The following LDB2 variants were observed in gnomAD, a reference collection of about 807,000 sequenced individuals.
The protein encoded by LDB2 is LIM domain-binding protein 2.
LDB2 carries 12 observed loss-of-function variants against 44.3 expected under a neutral mutation model. The observed-to-expected ratio is 0.27, with a 90% CI of 0.17 to 0.44. The LOEUF is 0.44. LDB2 is among the 20% of genes least tolerant of loss of function. LDB2 has a pLI of 1.00. For synonymous variants in LDB2, 164 were observed against 174.8 expected (o/e 0.94, Z 0.49); for missense variants, 344 against 473.5 (o/e 0.73, Z 2.54).
chr4:16,829,012 G>A (rs895541232), intron 1 of LDB2, among the ~76,000 whole-genome samples: 2 of 152,174 alleles, frequency 1.3e-5, no homozygotes, highest in Non-Finnish European at 2.9e-5. Context: ...TTGGGGTTCT[G>A]CTAAGAACAC....
chr4:16,752,790 G>A (rs1357173625), intron 2 of LDB2, among the ~76,000 whole-genome samples: 4 of 152,042 alleles, frequency 2.6e-5, no homozygotes, highest in African/African-American at 9.7e-5. Context: ...CATCTCACAT[G>A]CCTAACATCT....
At chr4:16,791,412 G>A (rs898272593) in intron 1 of LDB2, among the ~76,000 whole-genome samples, 9 of 151,892 alleles carry the variant, frequency 5.9e-5, no homozygotes, top group Admixed American at 2.0e-4. Context: ...AATATTAGCT[G>A]GGCATGGTCG....
At chr4:16,609,258 C>T (rs1578181097) in intron 2 of LDB2, among the ~76,000 whole-genome samples, 1 of 146,842 alleles carries the variant, frequency 6.8e-6, no homozygotes, top group Non-Finnish European at 1.5e-5. Context: ...CCCACGCCAC[C>T]GGGGTCTAGT....
intron 2 of LDB2, among the ~76,000 whole-genome samples, chr4:16,755,980 G>A (rs1473022280): frequency 3.9e-5 from 6 of 152,146 alleles, no homozygotes; most frequent in Admixed American, 6.5e-5. Flanking sequence ...TATCTCACCT[G>A]GGCGGACACA....
chr4:16,742,496 A>C (rs1415781542), intron 2 of LDB2, among the ~76,000 whole-genome samples: 1 of 152,186 alleles, frequency 6.6e-6, no homozygotes, highest in African/African-American at 2.4e-5. Flanking sequence ...ACAAGGGAGA[A>C]AGGCATTTTA....
At chr4:16,669,458 T>C (rs549615111) in intron 2 of LDB2, among the ~76,000 whole-genome samples, 118 of 152,296 alleles carry the variant, frequency 7.7e-4, no homozygotes, top group African/African-American at 2.6e-3. Context: ...TTAATCAAGT[T>C]CTTCCAGCCT....
At chr4:16,623,087 A>G (rs1038850212) in intron 2 of LDB2, among the ~76,000 whole-genome samples, 6 of 152,202 alleles carry the variant, frequency 3.9e-5, no homozygotes, top group African/African-American at 1.4e-4. Context: ...TTCCTGTCTC[A>G]GTATCCAGCC....
rs140725439 is a variant in LDB2 at position 16,686,735 on chromosome 4, G to C, written c.235+72423C>G. On this transcript the variant is annotated intron_variant, in intron 2 of 7. Coordinates refer to ENST00000304523, the MANE Select transcript of LDB2 (RefSeq NM_001290.5). ...GAATTCCACCTGGTTCTGAATGAAT[G>C]AATGAATCAATCAATCAATGAGGAA... is the stretch of plus-strand genomic sequence containing the variant. Among the ~76,000 whole-genome samples the C allele has an allele frequency of 5.9e-5, 9 of 152,266 alleles. No individual in the cohort carries two copies. The East Asian group carries it at 1.7e-3, about 29-fold the overall frequency.
intron 5 of LDB2, among the ~76,000 whole-genome samples, chr4:16,529,064 C>T (rs1729223142): frequency 6.6e-6 from 1 of 151,786 alleles, no homozygotes; most frequent in African/African-American, 2.4e-5. Flanking sequence ...CTAATCATTA[C>T]CAGTACTTGG....
rs535103762 is a variant in LDB2 at position 16,581,352 on chromosome 4, A to G, written c.615+4570T>C. 8 of 923,132 alleles carry G rather than the reference A, an allele frequency of 8.7e-6. No homozygotes were observed. In the East Asian group the frequency reaches 7.0e-4, roughly 81 times the overall value. 57.2% of individuals were successfully genotyped at this position (923,132 alleles called of 1,614,324 possible). A position where few individuals can be genotyped will look rare whatever the true frequency, so the allele number is the denominator to read the frequency against. ...CAGCTAGTAAGAAGATGATGTTCTCAGATACATACTGTTTAACTTACTCCC... is the reference window on the plus strand; with the variant it reads ...CAGCTAGTAAGAAGATGATGTTCTCGGATACATACTGTTTAACTTACTCCC... On this transcript the variant is annotated intron_variant, in intron 5 of 7. Coordinates refer to ENST00000304523, the MANE Select transcript of LDB2 (RefSeq NM_001290.5).
intron 1 of LDB2, among the ~76,000 whole-genome samples, chr4:16,834,865 G>T (rs534677396): frequency 6.6e-6 from 1 of 151,636 alleles, no homozygotes; most frequent in Admixed American, 6.6e-5. Flanking sequence ...GGAAAGGAAG[G>T]CTCTGTCGTG....
At chr4:16,877,982 C>CAG (rs35892984) in intron 1 of LDB2, among the ~76,000 whole-genome samples, 90,383 of 151,700 alleles carry the variant, frequency 0.6, 27,280 homozygotes, top group East Asian at 0.85. Context: ...CAAGGAGAAA[C>CAG]AGAAATAATG....
chr4:16,779,417 C>T (rs982904175), intron 1 of LDB2, among the ~76,000 whole-genome samples: 1 of 152,156 alleles, frequency 6.6e-6, no homozygotes, highest in Non-Finnish European at 1.5e-5. Flanking sequence ...AGATCTTTTC[C>T]ATTCACACTT....
intron 1 of LDB2, among the ~76,000 whole-genome samples, chr4:16,820,181 C>T (rs977028226): frequency 2.0e-5 from 3 of 151,988 alleles, no homozygotes; most frequent in African/African-American, 7.2e-5. Context: ...ATGATGTGAC[C>T]AAATATCGTC....
chr4:16,519,106 C>T (rs1239863039), intron 5 of LDB2, among the ~76,000 whole-genome samples: 2 of 152,150 alleles, frequency 1.3e-5, no homozygotes, highest in Admixed American at 6.5e-5. Flanking sequence ...CTCTTATCTA[C>T]GGCAAGCTAT....
intron 5 of LDB2, among the ~76,000 whole-genome samples, chr4:16,552,348 T>G (rs1737975640): frequency 6.6e-6 from 1 of 152,224 alleles, no homozygotes; most frequent in Admixed American, 6.5e-5. Flanking sequence ...ATTGAGAATG[T>G]TCCCATTTTT....
At chr4:16,758,679 G>A (rs1767205890) in intron 2 of LDB2, among the ~76,000 whole-genome samples, 1 of 152,184 alleles carries the variant, frequency 6.6e-6, no homozygotes, top group Admixed American at 6.5e-5. Flanking sequence ...AGCAACTGTG[G>A]CCTCCCCACA....
intron 1 of LDB2, among the ~76,000 whole-genome samples, chr4:16,851,705 A>G (rs1349066365): frequency 6.6e-6 from 1 of 152,106 alleles, no homozygotes; most frequent in Non-Finnish European, 1.5e-5. Context: ...CCTCAGAGAC[A>G]GATTCAGAGA....
chr4:16,643,686 T>C (rs549997840), intron 2 of LDB2, among the ~76,000 whole-genome samples: 1 of 152,224 alleles, frequency 6.6e-6, no homozygotes, highest in Non-Finnish European at 1.5e-5. Context: ...ATTCCAAGTA[T>C]TATTTGCCAT....
Sources: allele counts gnomAD v4.1 joint callset (sites outside exome capture counted in the v4.1 genomes callset), GRCh38; gene constraint gnomAD v4.1.1; transcripts MANE v1.5; gene names NCBI Gene and HGNC (gene_info 2026-07-23, HGNC 2026-07-21).